Variants in MAPK10 observed in about 807,000 individuals in gnomAD.
MAPK10 encodes mitogen-activated protein kinase 10.
A neutral mutation model predicts 59.3 loss-of-function variants in MAPK10; 25 were observed. That is an observed-to-expected ratio of 0.42 (90% CI 0.31 to 0.59). MAPK10 has a LOEUF of 0.59. Ranked by LOEUF, MAPK10 falls within the 20% of genes least tolerant of loss-of-function variation. The pLI, the probability that MAPK10 is intolerant of heterozygous loss-of-function variation, is 0.15. For missense variants in MAPK10, 351 were observed against 568.9 expected (o/e 0.62, Z 3.90); for synonymous variants, 190 against 200.5 (o/e 0.95, Z 0.44).
At chr4:86,575,395 T>C (rs1761809204) in intron 1 of MAPK10, among the ~76,000 whole-genome samples, 1 of 152,118 alleles carries the variant, frequency 6.6e-6, no homozygotes, top group African/African-American at 2.4e-5. Flanking sequence ...ATCCTATTGG[T>C]TCTGTTTCTC....
At chr4:86,478,574 G>A (rs531263259) in intron 1 of MAPK10, among the ~76,000 whole-genome samples, 4 of 152,014 alleles carry the variant, frequency 2.6e-5, no homozygotes, top group South Asian at 4.2e-4. Context: ...TCTGCTCCCC[G>A]GCTCCTTCAG....
At chr4:86,094,900 A>C (rs1034936876) in intron 9 of MAPK10, among the ~76,000 whole-genome samples, 1 of 151,874 alleles carries the variant, frequency 6.6e-6, no homozygotes, top group African/African-American at 2.4e-5. Flanking sequence ...AGAATGTTTA[A>C]AGAATGTTTA....
intron 2 of MAPK10, among the ~76,000 whole-genome samples, chr4:86,351,930 C>T (rs910905112): frequency 1.3e-5 from 2 of 151,784 alleles, no homozygotes; most frequent in African/African-American, 4.8e-5. Context: ...AATCAAATTA[C>T]CAAAAAACAA....
intron 1 of MAPK10, among the ~76,000 whole-genome samples, chr4:86,514,431 T>G (rs922635485): frequency 2.6e-5 from 4 of 152,196 alleles, no homozygotes; most frequent in African/African-American, 9.7e-5. Flanking sequence ...CCTCTCTGAA[T>G]ATATACATAG....
chr4:86,043,568 G>T (rs2041976862), intron 11 of MAPK10, among the ~76,000 whole-genome samples: 1 of 152,210 alleles, frequency 6.6e-6, no homozygotes, highest in Admixed American at 6.5e-5. Context: ...TAAAAATAAA[G>T]GTTTGCTTTG....
chr4:86,406,022 T>A (rs1322460272), intron 1 of MAPK10, among the ~76,000 whole-genome samples: 5 of 152,154 alleles, frequency 3.3e-5, no homozygotes, highest in Non-Finnish European at 7.3e-5. Context: ...CACAAAGGTG[T>A]AAATGATTAA....
chr4:86,550,313 G>A lies in MAPK10; in HGVS notation c.-263+43597C>T, dbSNP rs11929807. ...ACAGGGCTAATTTGGCATTCAGTTTGCAACAATTAAAAAGCTGCAGCAGCA... is the reference window on the plus strand; with the variant it reads ...ACAGGGCTAATTTGGCATTCAGTTTACAACAATTAAAAAGCTGCAGCAGCA... On this transcript the variant is annotated intron_variant, in intron 1 of 4. Coordinates refer to the MAPK10 transcript ENST00000502302. Among the ~76,000 whole-genome samples the A allele has an allele frequency of 7.8e-3, 1,062 of 135,728 alleles. 10 individuals are homozygous for A. Among genetic ancestry groups the A allele is most frequent in the African/African-American group, 0.027 (962 of 35,220 alleles). The allele number at this position is 135,728 out of a possible 152,430, so 89.0% of individuals were successfully genotyped here.
intron 1 of MAPK10, among the ~76,000 whole-genome samples, chr4:86,551,578 C>CTT (rs1453062383): frequency 1.3e-5 from 1 of 78,984 alleles, no homozygotes; most frequent in African/African-American, 3.4e-5. Flanking sequence ...CTCTTTCTTT[C>CTT]TCTCTCTCTC....
chr4:86,360,236 A>C (rs1736651016), upstream of MAPK10: 6 of 984,884 alleles, frequency 6.1e-6, no homozygotes, highest in African/African-American at 1.7e-5. Context: ...AGGACCAGGC[A>C]AATGTAAAGG....
chr4:86,507,615 GATATATATATATATATATATATATAT>G lies in MAPK10; in HGVS notation c.-263+86269_-263+86294del, dbSNP rs767683551. On this transcript the variant is annotated intron_variant, in intron 1 of 4. Coordinates refer to the MAPK10 transcript ENST00000502302. Reference sequence around the variant, plus strand: ...TTACTATTAAAAAGAATAAACTGGAGATATATATATATATATATATATATATATATATATATATATATATATATATA... The same window carrying G: ...TTACTATTAAAAAGAATAAACTGGAGATATATATATATATATATATATATA... 4.7e-3 allele frequency among the ~76,000 whole-genome samples: 166 copies of G among 35,648 alleles called. 13 individuals are homozygous for G. Among genetic ancestry groups the G allele is most frequent in the African/African-American group, 9.6e-3 (88 of 9,206 alleles). 23.4% of individuals were successfully genotyped at this position (35,648 alleles called of 152,430 possible).
rs1737882973 is a variant in MAPK10, at chr4:86,366,274, A to C, written c.-121-11630T>G. 1.3e-5 allele frequency among the ~76,000 whole-genome samples: 2 copies of C among 152,272 alleles called. 1 individual carries two copies. Among genetic ancestry groups the C allele is most frequent in the East Asian group, 3.9e-4 (2 of 5,186 alleles). On this transcript the variant is annotated intron_variant, in intron 1 of 13. Coordinates refer to the MAPK10 transcript ENST00000361569. The stretch of plus-strand genomic sequence containing the variant: ...ACAGTCAAGGACCATGTTGATAGCA[A>C]GAGGGAAATTTCTATAGTGATGAGA...
In MAPK10 at chr4:86,591,677, C is replaced by T. The variant is rs78359784; in HGVS notation, c.-263+2233G>A. Among the ~76,000 whole-genome samples, 893 of 152,192 alleles carry T rather than the reference C, an allele frequency of 5.9e-3. 1 individual carries two copies. Among genetic ancestry groups the T allele is most frequent in the East Asian group, 0.023 (118 of 5,180 alleles). The stretch of plus-strand genomic sequence containing the variant: ...GCATAAGCCACTGTGCCCCACCCCC[C>T]GTATGTTAATTTTATAACTAGTTAT... On this transcript the variant is annotated intron_variant, in intron 1 of 4. Coordinates refer to the MAPK10 transcript ENST00000502302.
chr4:86,126,906 C>T (rs1206621928), intron 4 of MAPK10, among the ~76,000 whole-genome samples: 1 of 151,906 alleles, frequency 6.6e-6, no homozygotes, highest in Non-Finnish European at 1.5e-5. Flanking sequence ...CTATTTGTAC[C>T]TCCAGTGTAT....
chr4:86,449,831 G>A (rs1358913850), intron 1 of MAPK10, among the ~76,000 whole-genome samples: 1 of 152,212 alleles, frequency 6.6e-6, no homozygotes, highest in Non-Finnish European at 1.5e-5. Context: ...CTGGTCTTGA[G>A]AAGTAACCTG....
At chr4:86,554,420 G>T (rs1243420660) in intron 1 of MAPK10, among the ~76,000 whole-genome samples, 1 of 152,068 alleles carries the variant, frequency 6.6e-6, no homozygotes, top group Admixed American at 6.6e-5. Flanking sequence ...TAAAAAAGAA[G>T]ACTGGAGTAA....
intron 1 of MAPK10, among the ~76,000 whole-genome samples, chr4:86,590,913 T>C (rs1762998042): frequency 6.6e-6 from 1 of 152,202 alleles, no homozygotes; most frequent in African/African-American, 2.4e-5. Context: ...ATTTCAAACA[T>C]TGTTATTTCT....
In MAPK10 at chr4:86,054,352, C is replaced by A. The variant is rs117469860; in HGVS notation, c.1110+9914G>T. On this transcript the variant is annotated intron_variant, in intron 11 of 13. Transcript: ENST00000641462. ...AACAAACATTTTGACAAGCTCCCAC[C>A]AACATAATACATGGCATCAAAACAA... 4.3e-3 allele frequency among the ~76,000 whole-genome samples: 656 copies of A among 152,232 alleles called. 29 individuals are homozygous for A. The East Asian group carries it at 0.1, about 24-fold the overall frequency.
At chr4:86,458,940 C>T (rs1319787636) in intron 1 of MAPK10, among the ~76,000 whole-genome samples, 1 of 152,182 alleles carries the variant, frequency 6.6e-6, no homozygotes, top group Non-Finnish European at 1.5e-5. Flanking sequence ...AGAGCTTTTA[C>T]ACAGCAGAAG....
chr4:86,379,776 A>G (rs2149000026), intron 1 of MAPK10, among the ~76,000 whole-genome samples: 1 of 152,332 alleles, frequency 6.6e-6, no homozygotes, highest in South Asian at 2.1e-4. Context: ...GTCAATAAAT[A>G]CATGGGTAAA....
Sources: allele counts gnomAD v4.1 joint callset (sites outside exome capture counted in the v4.1 genomes callset), GRCh38; gene constraint gnomAD v4.1.1; transcripts MANE v1.5; gene names NCBI Gene and HGNC (gene_info 2026-07-23, HGNC 2026-07-21).